The following ABCC1 variants were observed in gnomAD, a reference collection of about 807,000 sequenced individuals.
ABCC1 encodes the protein ATP binding cassette subfamily C member 1 (ABCC1 blood group), also known as multidrug resistance-associated protein 1.
ABCC1 carries 83 observed loss-of-function variants against 172.9 expected under a neutral mutation model. That is an observed-to-expected ratio of 0.48 (90% confidence interval 0.40 to 0.58). The LOEUF (loss-of-function observed/expected upper bound fraction) is 0.58. Ranked by LOEUF, ABCC1 falls within the 20% of genes least tolerant of loss-of-function variation. The pLI is 0.00. For missense variants in ABCC1, 1,817 were observed against 2,002.7 expected (o/e 0.91, Z 1.77); for synonymous variants, 937 against 825.2 (o/e 1.14, Z -2.32).
At chr16:16,035,492 ATTTT>A (rs55727520) in intron 6 of ABCC1, among the ~76,000 whole-genome samples, 6 of 138,940 alleles carry the variant, frequency 4.3e-5, no homozygotes, top group African/African-American at 1.6e-4. Context: ...CCTTCAGCCT[ATTTT>A]TTTTTTTTTC....
intron 1 of ABCC1, among the ~76,000 whole-genome samples, chr16:15,961,003 T>G (rs2046116306): frequency 2.2e-5 from 1 of 44,542 alleles, no homozygotes; most frequent in Non-Finnish European, 5.0e-5. Flanking sequence ...AACGCAGGTT[T>G]TTTTTTTTTT....
At chr16:16,077,176 A>G (rs1163893285) in intron 15 of ABCC1, among the ~76,000 whole-genome samples, 1 of 152,190 alleles carries the variant, frequency 6.6e-6, no homozygotes, top group Non-Finnish European at 1.5e-5. Flanking sequence ...CCCTTAAGGA[A>G]TCCGCAAAAC....
chr16:15,953,812 T>C (rs2045929560), intron 1 of ABCC1, among the ~76,000 whole-genome samples: 1 of 151,998 alleles, frequency 6.6e-6, no homozygotes, highest in Non-Finnish European at 1.5e-5. Context: ...AGGAAGAATA[T>C]CTTAGAAGCT....
At chr16:16,014,305 G>C (rs1456688908) in intron 3 of ABCC1, among the ~76,000 whole-genome samples, 186 bp from the exon 4 acceptor site, 2 of 152,176 alleles carry the variant, frequency 1.3e-5, no homozygotes, top group Non-Finnish European at 2.9e-5. Flanking sequence ...AATTAGCTAG[G>C]CATGGTGGCG....
rs142518724 is a variant in ABCC1, at chr16:16,134,232, C to T, written c.3967-118C>T. 2.5e-4 allele frequency: 325 copies of T among 1,297,770 alleles called. 2 individuals carry two copies. In the African/African-American group the frequency reaches 3.6e-3, roughly 14 times the overall value. The allele number at this position is 1,297,770 out of a possible 1,614,324, so 80.4% of individuals were successfully genotyped here. ...GGCAGCGCGCAAGGGAGAGGGCTGT[C>T]GAGTTGGGTTGACCAGATGACTGAT... On this transcript the variant is annotated intron_variant, in intron 27 of 30. Coordinates refer to ENST00000399410, the MANE Select transcript of ABCC1 (RefSeq NM_004996.4).
chr16:16,004,589 T>C (rs1416581366), intron 1 of ABCC1, among the ~76,000 whole-genome samples: 2 of 152,108 alleles, frequency 1.3e-5, no homozygotes, highest in Non-Finnish European at 2.9e-5. Flanking sequence ...AACTTTGTCC[T>C]TTTTAGGGTT....
At chr16:15,992,794 A>G (rs781443708) in intron 1 of ABCC1, among the ~76,000 whole-genome samples, 3 of 152,172 alleles carry the variant, frequency 2.0e-5, no homozygotes, top group African/African-American at 4.8e-5. Context: ...CAAAAAATCC[A>G]TGCTCTGTAC....
intron 1 of ABCC1, among the ~76,000 whole-genome samples, chr16:15,952,977 G>T (rs1394938144): frequency 5.3e-5 from 8 of 151,520 alleles, no homozygotes; most frequent in African/African-American, 1.9e-4. Context: ...TGGGGGTGGA[G>T]GTTGCAATGA....
intron 1 of ABCC1, among the ~76,000 whole-genome samples, chr16:15,983,625 G>A (rs1347330846): frequency 1.4e-5 from 2 of 144,528 alleles, no homozygotes; most frequent in South Asian, 2.2e-4. Flanking sequence ...GCATGATCAC[G>A]GCTCACTGTA....
intron 1 of ABCC1, among the ~76,000 whole-genome samples, chr16:15,956,004 T>C (rs1385696612): frequency 2.6e-5 from 4 of 152,070 alleles, no homozygotes; most frequent in Admixed American, 1.3e-4. Flanking sequence ...TCTCAGCACT[T>C]TGGGAGGCCG....
chr16:16,103,157 G>A (rs1187524853), intron 20 of ABCC1, among the ~76,000 whole-genome samples: 2 of 152,122 alleles, frequency 1.3e-5, no homozygotes, highest in African/African-American at 4.8e-5. Flanking sequence ...TGAGACCACA[G>A]TGGGTAACAT....
intron 1 of ABCC1, among the ~76,000 whole-genome samples, chr16:15,951,717 T>G (rs1208183280): frequency 6.6e-6 from 1 of 151,806 alleles, no homozygotes; most frequent in Non-Finnish European, 1.5e-5. Flanking sequence ...TGAGACAGAG[T>G]CTTGCTCTGT....
chr16:15,999,813 T>TCTC (rs1567298883), intron 1 of ABCC1, among the ~76,000 whole-genome samples: 44 of 55,108 alleles, frequency 8.0e-4, no homozygotes, highest in African/African-American at 2.6e-3. Flanking sequence ...CTCTCTCCTC[T>TCTC]CTCTCTCTCT....
chr16:16,125,739 G>GAA (rs60449468), intron 25 of ABCC1, 71 bp from the exon 26 acceptor site: 252,193 of 862,858 alleles, frequency 0.29, 40,351 homozygotes, highest in East Asian at 0.4. Flanking sequence ...TATCTCAGTG[G>GAA]AAAAAAAGAA....
chr16:16,051,311 C>T (rs1482624655), intron 10 of ABCC1, among the ~76,000 whole-genome samples: 1 of 151,944 alleles, frequency 6.6e-6, no homozygotes, highest in African/African-American at 2.4e-5. Context: ...CTGGGGACTA[C>T]AGGTGCACGC....
At chr16:16,096,080 A>C (rs754296208) in intron 19 of ABCC1, among the ~76,000 whole-genome samples, 15 of 152,180 alleles carry the variant, frequency 9.9e-5, no homozygotes, top group Non-Finnish European at 1.9e-4. Context: ...CAGCCTCGCC[A>C]ACATGGTGAA....
chr16:16,065,749 A>T (rs1046486287), intron 12 of ABCC1, among the ~76,000 whole-genome samples: 3 of 151,992 alleles, frequency 2.0e-5, no homozygotes, highest in African/African-American at 4.8e-5. Flanking sequence ...CTTATTTTTT[A>T]AAAAATTTTG....
chr16:15,990,213 C>A (rs1161925223), intron 1 of ABCC1, among the ~76,000 whole-genome samples: 1 of 152,130 alleles, frequency 6.6e-6, no homozygotes, highest in African/African-American at 2.4e-5. Context: ...TGCCACCACA[C>A]CCAGCTAATT....
intron 5 of ABCC1, among the ~76,000 whole-genome samples, chr16:16,032,284 T>C (rs969034149): frequency 2.6e-5 from 4 of 152,180 alleles, no homozygotes; most frequent in Non-Finnish European, 4.4e-5. Flanking sequence ...TTCTTTTAAC[T>C]GCAAAACAGG....
Sources: gnomAD v4.1 joint callset for allele counts (sites outside exome capture counted in the v4.1 genomes callset) on GRCh38, gnomAD v4.1.1 for gene constraint, MANE v1.5 for transcripts, NCBI Gene and HGNC (gene_info 2026-07-23, HGNC 2026-07-21) for gene names.